The following GLB1 variants were observed in gnomAD, a reference collection of about 807,000 sequenced individuals.
The protein encoded by GLB1 is beta-galactosidase.
In GLB1, 56 loss-of-function variants were observed where a neutral mutation model predicts 74.0. The ratio of observed to expected loss-of-function variants is 0.76; its 90% CI spans 0.61 to 0.94. The LOEUF is 0.94. Ranked by LOEUF, GLB1 falls within the 40% of genes least tolerant of loss-of-function variation. The pLI is 0.00. For missense variants in GLB1, 787 were observed against 845.5 expected (o/e 0.93, Z 0.86); for synonymous variants, 323 against 323.6 (o/e 1.00, Z 0.02).
chr3:33,096,840 C>G, intron 1 of GLB1, 171 bp downstream of exon 1: 1 of 1,374,030 alleles, frequency 7.3e-7, no homozygotes, highest in Middle Eastern at 2.7e-4. Context: ...CCGCCCCCGA[C>G]GGGAAGGCCG....
downstream of GLB1, among the ~76,000 whole-genome samples, chr3:32,993,152 G>A (rs1458295090): frequency 6.6e-6 from 1 of 152,144 alleles, no homozygotes; most frequent in Admixed American, 6.5e-5. Flanking sequence ...TGTGTCATTT[G>A]ACAGAAGACA....
At position 32,997,308 on chromosome 3, in the gene GLB1, A is replaced by G. The variant is rs72555373; in HGVS notation, c.1771T>C (p.Tyr591His). 1.2e-6 allele frequency: 2 copies of G among 1,613,968 alleles called. No homozygotes were observed. Among genetic ancestry groups the G allele is most frequent in the Non-Finnish European group, 1.7e-6 (2 of 1,180,010 alleles). ...AACTGAGGGCCCCGGGCTGGCCAAT[A>G]GCGGCCAAGGTTAAAGCCATTAATC... ...VWINGFNLGR[Y>H]WPARGPQLTL... is the part of the protein sequence containing the mutation. Residue 591 changes from tyrosine (Y) to histidine (H), a missense_variant, in exon 16 of 16, where the codon TAT becomes CAT. Physicochemically the swap from Tyr to His is moderately conservative, Grantham distance 83. Coordinates refer to ENST00000307363, the MANE Select transcript of GLB1 (RefSeq NM_000404.4).
the GLB1 span, among the ~76,000 whole-genome samples, chr3:32,961,741 G>T: frequency 1.3e-5 from 2 of 152,168 alleles, no homozygotes; most frequent in Admixed American, 6.5e-5. Context: ...ATACAGAAAA[G>T]ATTTCATTAT....
chr3:33,086,351 G>A (rs1347565182), intron 1 of GLB1, among the ~76,000 whole-genome samples: 1 of 151,910 alleles, frequency 6.6e-6, no homozygotes, highest in Non-Finnish European at 1.5e-5. Flanking sequence ...CTTTTTCAGA[G>A]TAACCACATA....
chr3:33,055,755 C>T (rs1331346155), intron 6 of GLB1, among the ~76,000 whole-genome samples: 4 of 150,818 alleles, frequency 2.7e-5, no homozygotes, highest in Non-Finnish European at 4.4e-5. Context: ...GTAGGAGGCA[C>T]TGCGCTGGGC....
chr3:33,069,117 C>T (rs1046244758), intron 2 of GLB1, 147 bp from the exon 3 acceptor site: 2 of 1,386,942 alleles, frequency 1.4e-6, no homozygotes, highest in Non-Finnish European at 2.0e-6. Flanking sequence ...AGGCTGGGCA[C>T]AGTGGCTCAG....
At chr3:33,040,913 A>G (rs1035654064) in intron 10 of GLB1, among the ~76,000 whole-genome samples, 19 of 152,240 alleles carry the variant, frequency 1.2e-4, no homozygotes, top group African/African-American at 3.9e-4. Context: ...TGAAAAATAT[A>G]ATTTAATAAT....
At chr3:33,062,022 C>T (rs1316185471) in intron 5 of GLB1, among the ~76,000 whole-genome samples, 1 of 152,122 alleles carries the variant, frequency 6.6e-6, no homozygotes, top group Non-Finnish European at 1.5e-5. Context: ...TCATTTTTAC[C>T]CTGGCTGCAA....
At chr3:33,014,402 C>T (rs745555723) in intron 14 of GLB1, 92 bp from the exon 15 acceptor site, 3 of 1,554,294 alleles carry the variant, frequency 1.9e-6, no homozygotes, top group South Asian at 2.4e-5. Context: ...AAAAGCAAAC[C>T]GGGATACAAA....
intron 9 of GLB1, among the ~76,000 whole-genome samples, chr3:33,050,502 G>A (rs913958413): frequency 9.2e-5 from 14 of 152,330 alleles, no homozygotes; most frequent in Admixed American, 2.6e-4. Flanking sequence ...GTGGATGAGC[G>A]TTGAACACAT....
intron 5 of GLB1, among the ~76,000 whole-genome samples, chr3:33,062,885 G>A (rs754218609): frequency 4.6e-5 from 7 of 152,186 alleles, no homozygotes; most frequent in African/African-American, 1.7e-4. Flanking sequence ...TTCCAGAGCC[G>A]TTCGGTGGGT....
In GLB1 at chr3:33,072,560, G is replaced by C; in HGVS notation, c.229C>G (p.Leu77Val). The C allele has an allele frequency of 1.2e-6, 2 of 1,613,532 alleles. No individual in the cohort carries two copies. The highest frequency in any genetic ancestry group is 2.2e-5 in the East Asian group (1 of 44,874). Reference sequence around the variant, plus strand: ...CCTACTTACGTCTGGATGGCGTTCAGCCCAGCCATCTTCATCTTCAGCAGC... The same window carrying C: ...CCTACTTACGTCTGGATGGCGTTCACCCCAGCCATCTTCATCTTCAGCAGC... ...DRLLKMKMAG[L>V]NAIQTYVPWN... Residue 77 changes from leucine to valine, a missense_variant, in exon 2 of 16, where the codon CTG becomes GTG. Physicochemically the swap from Leu to Val is conservative, Grantham distance 32 (BLOSUM62 1). Coordinates refer to ENST00000307363, the MANE Select transcript of GLB1 (RefSeq NM_000404.4).
intron 15 of GLB1, among the ~76,000 whole-genome samples, chr3:32,998,042 T>C (rs780293679): frequency 6.6e-6 from 1 of 152,146 alleles, no homozygotes; most frequent in Non-Finnish European, 1.5e-5. Flanking sequence ...AGAGTTAGGG[T>C]GTGGACTCCA....
chr3:33,022,443 T>G (rs1251208901), intron 11 of GLB1, among the ~76,000 whole-genome samples: 1 of 151,944 alleles, frequency 6.6e-6, no homozygotes, highest in Non-Finnish European at 1.5e-5. Context: ...GTGAGGCAGG[T>G]ACTACTGTCC....
At chr3:33,084,426 A>G (rs1700430791) in intron 1 of GLB1, among the ~76,000 whole-genome samples, 1 of 152,244 alleles carries the variant, frequency 6.6e-6, no homozygotes, top group Non-Finnish European at 1.5e-5. Flanking sequence ...CTGGAGAAGG[A>G]AAACAGGTGC....
the GLB1 span, among the ~76,000 whole-genome samples, chr3:32,984,768 C>T: frequency 7.2e-5 from 11 of 151,780 alleles, no homozygotes; most frequent in African/African-American, 2.7e-4. Context: ...ACAGTGAAAC[C>T]CCGTCTCTAC....
chr3:32,992,816 G>A (rs557654934), downstream of GLB1, among the ~76,000 whole-genome samples: 37 of 152,344 alleles, frequency 2.4e-4, no homozygotes, highest in South Asian at 7.5e-3. Context: ...TCTTCACCGG[G>A]CATTCACAGA....
Position 32,996,808 on chromosome 3 carries a change from C to A in GLB1, c.*237G>T. On this transcript the variant is annotated 3_prime_UTR_variant, in exon 16 of 16. Transcript: ENST00000307363. ...AAATCACTACCACCTTTAAAGCTTC[C>A]ATTCCAGCCCTGCAGATATGTATGC... is the stretch of plus-strand genomic sequence containing the variant. 1 of 610,076 alleles carries A rather than the reference C, an allele frequency of 1.6e-6. No individual in the cohort carries two copies. Among genetic ancestry groups the A allele is most frequent in the Non-Finnish European group, 2.8e-6 (1 of 361,458 alleles). The allele number at this position is 610,076 out of a possible 1,614,324, so 37.8% of individuals were successfully genotyped here. A position where few individuals can be genotyped will look rare whatever the true frequency, so the allele number is the denominator to read the frequency against.
At chr3:33,058,789 T>C (rs548480689) in intron 5 of GLB1, among the ~76,000 whole-genome samples, 56 of 152,178 alleles carry the variant, frequency 3.7e-4, no homozygotes, top group Non-Finnish European at 4.7e-4. Context: ...TATGCACCAA[T>C]TGTAATTGTG....
Sources: allele counts gnomAD v4.1 joint callset (sites outside exome capture counted in the v4.1 genomes callset), GRCh38; gene constraint gnomAD v4.1.1; transcripts MANE v1.5; gene names NCBI Gene and HGNC (gene_info 2026-07-23, HGNC 2026-07-21).